Variants in GRIA4 observed in about 807,000 individuals in gnomAD.
GRIA4 encodes the protein glutamate receptor 4.
Under a neutral mutation model 104.0 loss-of-function variants are expected in GRIA4, and 34 were observed. The ratio of observed to expected loss-of-function variants is 0.33; its 90% CI spans 0.25 to 0.44. GRIA4 has a LOEUF of 0.44. GRIA4 is among the 20% of genes least tolerant of loss of function. The pLI is 1.00. For synonymous variants in GRIA4, 386 were observed against 381.9 expected, an observed-to-expected ratio of 1.01 and a Z score of -0.13; for missense variants, 750 against 1,096.5, an observed-to-expected ratio of 0.68 and a Z score of 4.46.
In GRIA4 at chr11:105,937,977, G is replaced by A. The variant is rs536715206; in HGVS notation, c.2294+4008G>A. ...AGCCCCACAGCAATAGCACGGCAGG[G>A]GGAGGAAATACTCAGCATGGGAATT... On this transcript the variant is annotated intron_variant, in intron 14 of 16. Coordinates refer to ENST00000282499, the MANE Select transcript of GRIA4 (RefSeq NM_000829.4). Among the ~76,000 whole-genome samples, 37 of 152,120 alleles carry A rather than the reference G, an allele frequency of 2.4e-4. No homozygotes were observed. The South Asian group carries it at 7.5e-3, about 31-fold the overall frequency.
chr11:105,688,562 C>G (rs539816161), intron 3 of GRIA4, among the ~76,000 whole-genome samples: 1 of 151,262 alleles, frequency 6.6e-6, no homozygotes, highest in African/African-American at 2.4e-5. Flanking sequence ...GACTCCGTCT[C>G]AAAAAATAAA....
rs571419730 is a variant in GRIA4 at position 105,677,868 on chromosome 11, G to A, written c.247+65434G>A. Among the ~76,000 whole-genome samples, 13 of 152,086 alleles carry A rather than the reference G, an allele frequency of 8.5e-5. No individual in the cohort carries two copies. In the East Asian group the frequency reaches 2.5e-3, roughly 29 times the overall value. On this transcript the variant is annotated intron_variant, in intron 3 of 16. Coordinates refer to ENST00000282499, the MANE Select transcript of GRIA4 (RefSeq NM_000829.4). ...ATGAACAAAGTTGATATTTTCAAAT[G>A]ATCAGGTCACAGAGACTCTGTAGAT...
chr11:105,822,123 C>T (rs1295429055), intron 4 of GRIA4, among the ~76,000 whole-genome samples: 1 of 152,102 alleles, frequency 6.6e-6, no homozygotes, highest in Non-Finnish European at 1.5e-5. Context: ...TATTTAAACT[C>T]CTGTAGCATC....
At chr11:105,893,779 T>C (rs536584575) in intron 6 of GRIA4, among the ~76,000 whole-genome samples, 1 of 152,318 alleles carries the variant, frequency 6.6e-6, no homozygotes, top group East Asian at 1.9e-4. Flanking sequence ...ACTAATGCAA[T>C]AGTTGAATTA....
At chr11:105,682,992 A>G (rs1952759534) in intron 3 of GRIA4, among the ~76,000 whole-genome samples, 1 of 152,156 alleles carries the variant, frequency 6.6e-6, no homozygotes, top group African/African-American at 2.4e-5. Flanking sequence ...GAAAAAAACT[A>G]TCCTCTAATA....
At chr11:105,754,567 T>G (rs898842513) in intron 4 of GRIA4, among the ~76,000 whole-genome samples, 1 of 152,150 alleles carries the variant, frequency 6.6e-6, no homozygotes, top group East Asian at 1.9e-4. Flanking sequence ...GGTGAATAAC[T>G]CACATATTGC....
intron 4 of GRIA4, among the ~76,000 whole-genome samples, chr11:105,787,681 T>TG (rs67583141): frequency 1 from 152,091 of 152,096 alleles, 76,043 homozygotes; most frequent in Middle Eastern, 1. Flanking sequence ...TTCACCATGT[T>TG]GCCAGGCTGG....
chr11:105,874,061 A>C (rs769866100), intron 5 of GRIA4, among the ~76,000 whole-genome samples: 1 of 152,188 alleles, frequency 6.6e-6, no homozygotes, highest in African/African-American at 2.4e-5. Flanking sequence ...TCTTATGTTT[A>C]AGTCTTTAAT....
chr11:105,870,347 C>T (rs1945567313), intron 5 of GRIA4, among the ~76,000 whole-genome samples: 1 of 151,756 alleles, frequency 6.6e-6, no homozygotes, highest in Admixed American at 6.6e-5. Context: ...CCACCACATT[C>T]TATTATTTTC....
intron 3 of GRIA4, among the ~76,000 whole-genome samples, chr11:105,750,835 G>T (rs944164481): frequency 6.6e-6 from 1 of 151,944 alleles, no homozygotes. Context: ...GGAAGGGAAG[G>T]ATACCAAGAA....
At chr11:105,842,870 A>AATATG (rs1944445518) in intron 4 of GRIA4, 1 of 152,232 alleles carries the variant, frequency 6.6e-6, no homozygotes, top group Non-Finnish European at 1.5e-5. Context: ...TTCCTGGAAG[A>AATATG]ATATGATGCT....
At chr11:105,912,557 T>G (rs868288817) in intron 10 of GRIA4, 15 of 294,574 alleles carry the variant, frequency 5.1e-5, no homozygotes, top group Admixed American at 2.0e-4. Context: ...TATATATATA[T>G]ATAAAGGATA....
intron 3 of GRIA4, among the ~76,000 whole-genome samples, chr11:105,691,085 G>T (rs1299258958): frequency 6.6e-6 from 1 of 152,092 alleles, no homozygotes; most frequent in Non-Finnish European, 1.5e-5. Flanking sequence ...GGGCTTGTGT[G>T]CGTGCAAACA....
intron 4 of GRIA4, chr11:105,842,967 TC>T (rs1431526295): frequency 2.5e-4 from 38 of 152,182 alleles, no homozygotes; most frequent in Admixed American, 2.5e-3. Flanking sequence ...CTTATTTTGC[TC>T]TTTTTTTCCT....
At chr11:105,854,190 T>G (rs550089374) in intron 4 of GRIA4, among the ~76,000 whole-genome samples, 1 of 152,076 alleles carries the variant, frequency 6.6e-6, no homozygotes, top group South Asian at 2.1e-4. Context: ...TAGAGTATAT[T>G]AGGTGGTGGT....
intron 4 of GRIA4, among the ~76,000 whole-genome samples, chr11:105,775,518 T>A (rs1344331691): frequency 6.6e-6 from 1 of 152,002 alleles, no homozygotes; most frequent in African/African-American, 2.4e-5. Flanking sequence ...CCTGAAAAAA[T>A]TTTAATTTTC....
chr11:105,845,774 G>C (rs561885961), intron 4 of GRIA4, among the ~76,000 whole-genome samples: 2 of 152,046 alleles, frequency 1.3e-5, no homozygotes, highest in Non-Finnish European at 2.9e-5. Flanking sequence ...GTCCCAGCTA[G>C]TTGGGAGGCT....
At position 105,811,361 on chromosome 11, in the gene GRIA4, TC is replaced by T. The variant is rs538262471; in HGVS notation, c.488-50662del. The stretch of plus-strand genomic sequence containing the variant: ...GGCAGACAGAGAGACCTCTAATCCA[TC>T]TCTTTAGTTCCTTTTTCTCTCACCC... On this transcript the variant is annotated intron_variant, in intron 4 of 16. Coordinates refer to ENST00000282499, the MANE Select transcript of GRIA4 (RefSeq NM_000829.4). 4.5e-4 allele frequency among the ~76,000 whole-genome samples: 69 copies of T among 152,228 alleles called. 1 individual carries two copies. Among genetic ancestry groups the T allele is most frequent in the African/African-American group, 1.6e-3 (67 of 41,532 alleles).
chr11:105,864,731 G>A (rs1388804775), intron 5 of GRIA4, among the ~76,000 whole-genome samples: 1 of 152,058 alleles, frequency 6.6e-6, no homozygotes, highest in Non-Finnish European at 1.5e-5. Context: ...TTAGCCGGGT[G>A]TGGTGGCACA....
Sources: gnomAD v4.1 joint callset for allele counts (sites outside exome capture counted in the v4.1 genomes callset) on GRCh38, gnomAD v4.1.1 for gene constraint, MANE v1.5 for transcripts, NCBI Gene and HGNC (gene_info 2026-07-23, HGNC 2026-07-21) for gene names.